MED27: variants seen among roughly 807,000 people sequenced by gnomAD.
MED27 encodes mediator of RNA polymerase II transcription subunit 27.
In MED27, 30 loss-of-function variants were observed where a neutral mutation model predicts 38.2. The observed-to-expected ratio is 0.79, with a 90% CI of 0.59 to 1.07. The LOEUF (loss-of-function observed/expected upper bound fraction) is 1.07. MED27 is among the 50% of genes least tolerant of loss of function. MED27 has a pLI of 0.00. For missense variants in MED27, 289 were observed against 397.5 expected (o/e 0.73, Z 2.32); for synonymous variants, 122 against 153.5 (o/e 0.79, Z 1.52).
At chr9:132,022,046 A>G (rs1762325325) in intron 2 of MED27, among the ~76,000 whole-genome samples, 1 of 152,230 alleles carries the variant, frequency 6.6e-6, no homozygotes, top group African/African-American at 2.4e-5. Flanking sequence ...AAGAAGATGC[A>G]GGCCAAAAAT....
At position 131,889,889 on chromosome 9, in the gene MED27, C is replaced by T. The variant is rs560770254; in HGVS notation, c.681+3996G>A. Among the ~76,000 whole-genome samples the T allele has an allele frequency of 2.4e-4, 37 of 152,286 alleles. No individual in the cohort carries two copies. Among genetic ancestry groups the T allele is most frequent in the Admixed American group, 2.0e-3 (31 of 15,298 alleles). On this transcript the variant is annotated intron_variant, in intron 5 of 7. Coordinates refer to ENST00000292035, the MANE Select transcript of MED27 (RefSeq NM_004269.4). The surrounding 1 kb of genome is among the most constrained non-coding windows in gnomAD (Gnocchi z 4.2). Reference sequence around the variant, plus strand: ...TGTGCTCCAGGAGACTGCAGCAAAACACCCCCCTGCAGCCACCTAGGCACC... The same window carrying T: ...TGTGCTCCAGGAGACTGCAGCAAAATACCCCCCTGCAGCCACCTAGGCACC...
At chr9:132,011,851 A>G (rs1319154393) in intron 3 of MED27, among the ~76,000 whole-genome samples, 2 of 152,152 alleles carry the variant, frequency 1.3e-5, no homozygotes, top group African/African-American at 4.8e-5. Context: ...AATCATTTCT[A>G]TGTTGTATTC....
chr9:131,866,972 CT>C (rs1440081206), intron 6 of MED27, among the ~76,000 whole-genome samples: 2 of 152,208 alleles, frequency 1.3e-5, no homozygotes, highest in Non-Finnish European at 2.9e-5. Context: ...TCCTTTCCCC[CT>C]CTCCTTCGCG....
chr9:131,955,631 AGC>A (rs1394883536), intron 3 of MED27, among the ~76,000 whole-genome samples: 1 of 152,242 alleles, frequency 6.6e-6, no homozygotes, highest in African/African-American at 2.4e-5. Context: ...TCTCTTCGAC[AGC>A]TAGACGAAGT....
At chr9:132,029,728 T>C (rs904001598) in intron 2 of MED27, among the ~76,000 whole-genome samples, 1 of 152,020 alleles carries the variant, frequency 6.6e-6, no homozygotes, top group Non-Finnish European at 1.5e-5. Flanking sequence ...GCAAGAATAA[T>C]GTATATTTGA....
intron 4 of MED27, among the ~76,000 whole-genome samples, chr9:131,931,642 G>A (rs777679586): frequency 3.9e-4 from 60 of 152,240 alleles, no homozygotes; most frequent in Non-Finnish European, 6.0e-4. Flanking sequence ...GATACATACA[G>A]ACTGAAAATA....
At chr9:132,073,211 G>A (rs2131168959) in intron 2 of MED27, 1 of 503,872 alleles carries the variant, frequency 2.0e-6, no homozygotes. Flanking sequence ...CCATCATAAG[G>A]TCTCCAAATT....
At chr9:132,035,329 T>G (rs1229799654) in intron 2 of MED27, among the ~76,000 whole-genome samples, 1 of 152,174 alleles carries the variant, frequency 6.6e-6, no homozygotes, top group South Asian at 2.1e-4. Flanking sequence ...GGCACTGCTC[T>G]AAGGACAGTA....
chr9:131,877,555 G>A (rs928543941), intron 6 of MED27, among the ~76,000 whole-genome samples: 5 of 152,018 alleles, frequency 3.3e-5, no homozygotes, highest in Non-Finnish European at 5.9e-5. Flanking sequence ...TAGTCTGGGC[G>A]ACAGAGTGGG....
chr9:132,022,279 T>C lies in MED27; in HGVS notation c.349-7812A>G, dbSNP rs145471353. Among the ~76,000 whole-genome samples the C allele has an allele frequency of 9.7e-4, 148 of 152,298 alleles. 3 individuals carry two copies. In the East Asian group the frequency reaches 0.012, roughly 13 times the overall value. On this transcript the variant is annotated intron_variant, in intron 2 of 7. Transcript: ENST00000292035. ...GAACCACCCCAGAATCCTTATCCATTTGCATATTATACTTCTGGACTCAAG... is the reference window on the plus strand; with the variant it reads ...GAACCACCCCAGAATCCTTATCCATCTGCATATTATACTTCTGGACTCAAG...
intron 6 of MED27, among the ~76,000 whole-genome samples, chr9:131,878,872 C>G (rs1838985806): frequency 6.7e-6 from 1 of 148,828 alleles, no homozygotes; most frequent in Non-Finnish European, 1.5e-5. Context: ...ATCTACTCTG[C>G]TGGAGACTTG....
chr9:131,891,943 G>A (rs977938312), intron 5 of MED27, among the ~76,000 whole-genome samples: 8 of 152,274 alleles, frequency 5.3e-5, no homozygotes, highest in African/African-American at 1.9e-4. Flanking sequence ...GGGATGAAGG[G>A]AAGAAAGCTT....
intron 2 of MED27, among the ~76,000 whole-genome samples, chr9:132,066,746 C>T (rs1025371353): frequency 1.3e-5 from 2 of 152,234 alleles, no homozygotes; most frequent in Non-Finnish European, 2.9e-5. Flanking sequence ...AAAACAGATG[C>T]CCCAGCTCCC....
In MED27 at chr9:131,939,479, ATGGG is replaced by A; in HGVS notation, c.480-9_480-6del. The A allele has an allele frequency of 6.3e-7, 1 of 1,592,112 alleles. No individual in the cohort carries two copies. The highest frequency in any genetic ancestry group is 8.6e-7 in the Non-Finnish European group (1 of 1,168,140). On this transcript the variant is annotated splice_polypyrimidine_tract_variant and splice_region_variant and intron_variant, in intron 3 of 7. Coordinates refer to ENST00000292035, the MANE Select transcript of MED27 (RefSeq NM_004269.4). ...CTGATCACATCATCAACATATCTAC[ATGGG>A]AAAAAAATAAACATGTGTGAACTAC...
chr9:131,960,712 G>C (rs1688858085), intron 3 of MED27, among the ~76,000 whole-genome samples: 1 of 151,744 alleles, frequency 6.6e-6, no homozygotes. Flanking sequence ...ATGTACAGAA[G>C]ATGAATACAG....
At chr9:132,033,541 A>T (rs895891729) in intron 2 of MED27, among the ~76,000 whole-genome samples, 1 of 152,228 alleles carries the variant, frequency 6.6e-6, no homozygotes, top group Non-Finnish European at 1.5e-5. Context: ...AAAATTCATC[A>T]TCAAAGGTTA....
chr9:132,017,149 G>A (rs891954325), intron 2 of MED27, among the ~76,000 whole-genome samples: 31 of 152,096 alleles, frequency 2.0e-4, no homozygotes, highest in African/African-American at 7.0e-4. Flanking sequence ...CTTTATAATG[G>A]GAGAAAAGGT....
intron 3 of MED27, among the ~76,000 whole-genome samples, chr9:132,007,708 C>A (rs1258278937): frequency 4.0e-5 from 6 of 151,740 alleles, no homozygotes; most frequent in Admixed American, 2.6e-4. Context: ...TGAGAATGAT[C>A]AGGAGAAAAG....
At chr9:131,962,323 G>A (rs765142079) in intron 3 of MED27, among the ~76,000 whole-genome samples, 3 of 152,148 alleles carry the variant, frequency 2.0e-5, no homozygotes, top group East Asian at 1.9e-4. Flanking sequence ...TGCAACCTCC[G>A]CCTTCCAGGC....
Sources: gnomAD v4.1 joint callset for allele counts (sites outside exome capture counted in the v4.1 genomes callset) on GRCh38, gnomAD v4.1.1 for gene constraint, Gnocchi (gnomAD v3.1) non-coding constraint, MANE v1.5 for transcripts, NCBI Gene and HGNC (gene_info 2026-07-23, HGNC 2026-07-21) for gene names.